The following DNAH11 variants were observed in gnomAD, a reference collection of about 807,000 sequenced individuals.
The protein encoded by DNAH11 is dynein axonemal heavy chain 11, also known as axonemal beta dynein heavy chain 11.
A neutral mutation model predicts 526.0 loss-of-function variants in DNAH11; 442 were observed. The observed-to-expected ratio is 0.84, with a 90% CI of 0.78 to 0.91. The LOEUF (loss-of-function observed/expected upper bound fraction) is 0.91, where lower values mean the gene tolerates loss of function less well. Ranked by LOEUF, DNAH11 falls within the 40% of genes least tolerant of loss-of-function variation. The probability of loss-of-function intolerance (pLI) is 0.00; values close to 1 mark genes in which losing one functional copy is unlikely to be tolerated. For synonymous variants in DNAH11, 2,461 were observed against 1,935.9 expected, an observed-to-expected ratio of 1.27 and a Z score of -7.12; for missense variants, 6,989 against 5,448.7, an observed-to-expected ratio of 1.28 and a Z score of -8.90.
intron 44 of DNAH11, among the ~76,000 whole-genome samples, chr7:21,721,265 C>T (rs576207701): frequency 6.6e-6 from 1 of 152,300 alleles, no homozygotes; most frequent in African/African-American, 2.4e-5. Flanking sequence ...CAGTTAAAAA[C>T]GTGGAAGACA....
chr7:21,628,560 C>T (rs1178688873), intron 25 of DNAH11, among the ~76,000 whole-genome samples: 2 of 151,890 alleles, frequency 1.3e-5, no homozygotes, highest in African/African-American at 4.8e-5. Context: ...TATGGTTTTT[C>T]TTCTTGGTTC....
At chr7:21,843,398 T>C (rs1782290196) in intron 66 of DNAH11, among the ~76,000 whole-genome samples, 1 of 150,876 alleles carries the variant, frequency 6.6e-6, no homozygotes, top group Non-Finnish European at 1.5e-5. Flanking sequence ...GAATAAAAGA[T>C]AAAAGGCAAG....
chr7:21,625,809 A>G (rs981381244), intron 25 of DNAH11, among the ~76,000 whole-genome samples: 8 of 152,060 alleles, frequency 5.3e-5, no homozygotes, highest in Non-Finnish European at 8.8e-5. Flanking sequence ...GAGTTTCCAA[A>G]ATTCCTCCTG....
intron 64 of DNAH11, 82 bp downstream of exon 64, chr7:21,816,784 A>G (rs1358805244): frequency 7.3e-6 from 8 of 1,090,694 alleles, no homozygotes; most frequent in African/African-American, 1.6e-5. Flanking sequence ...GATGTTTCTT[A>G]GACCTCTCCA....
At chr7:21,587,522 C>G (rs1023348364) in intron 9 of DNAH11, among the ~76,000 whole-genome samples, 5 of 152,136 alleles carry the variant, frequency 3.3e-5, no homozygotes, top group Admixed American at 2.0e-4. Context: ...GAGTGGTTGT[C>G]CTTGTAACAG....
At chr7:21,561,460 T>A (rs1004009273) in intron 5 of DNAH11, 27 of 244,752 alleles carry the variant, frequency 1.1e-4, no homozygotes, top group African/African-American at 3.7e-4. Flanking sequence ...AAAAAAAAAA[T>A]AAGTCTGGAT....
chr7:21,575,888 A>G (rs1485398345), intron 8 of DNAH11, among the ~76,000 whole-genome samples: 1 of 152,242 alleles, frequency 6.6e-6, no homozygotes, highest in Non-Finnish European at 1.5e-5. Context: ...TGCTCATCTT[A>G]AAACAACTGC....
Position 21,681,639 on chromosome 7 carries a change from C to T in DNAH11, c.5422C>T (p.His1808Tyr), listed in dbSNP as rs774387811. Reference sequence around the variant, plus strand: ...CATGACAATTTGTACCATAGATGTCCATGCCAGAGACGTGGTGGCAAAACT... The same window carrying T: ...CATGACAATTTGTACCATAGATGTCTATGCCAGAGACGTGGTGGCAAAACT... The part of the protein sequence containing the change: ...KIMTICTIDV[H>Y]ARDVVAKLIS... The change falls in exon 31 of 82, where the codon CAT becomes TAT. Residue 1808 changes from histidine to tyrosine, a missense_variant. Physicochemically the swap from His to Tyr is moderately conservative, Grantham distance 83. Transcript: ENST00000409508. The T allele has an allele frequency of 6.8e-6, 11 of 1,613,848 alleles. No homozygotes were observed. In the South Asian group the frequency reaches 7.7e-5, roughly 11 times the overall value.
intron 45 of DNAH11, among the ~76,000 whole-genome samples, chr7:21,733,412 G>A (rs997587017): frequency 6.6e-6 from 1 of 152,096 alleles, no homozygotes; most frequent in Admixed American, 6.6e-5. Context: ...CAGGGAAATG[G>A]GGGTCCCAAG....
chr7:21,728,274 T>C (rs1583634455), intron 45 of DNAH11, among the ~76,000 whole-genome samples: 1 of 67,586 alleles, frequency 1.5e-5, no homozygotes, highest in African/African-American at 5.7e-5. Flanking sequence ...TTTTTTTTTT[T>C]TGAGACAGAG....
Position 21,639,001 on chromosome 7 carries a change from G to T in DNAH11, c.4880G>T (p.Arg1627Leu), listed in dbSNP as rs943023493. Reference sequence around the variant, plus strand: ...GAAACCAAGCGCATAGCCTTTCCTCGCTTCTATTTCGTCTCTTCTGCTGAT... The same window carrying T: ...GAAACCAAGCGCATAGCCTTTCCTCTCTTCTATTTCGTCTCTTCTGCTGAT... The part of the protein sequence containing the change: ...YLETKRIAFP[R>L]FYFVSSADLL... The change falls in exon 28 of 82, where the codon CGC (arginine) becomes CTC (leucine). Residue 1627 changes from arginine (R) to leucine (L), a missense_variant. By Grantham distance (102) the Arg-to-Leu change is moderately radical. Transcript: ENST00000409508. 1 of 1,613,564 alleles carries T rather than the reference G, an allele frequency of 6.2e-7. No individual in the cohort carries two copies. Among genetic ancestry groups the T allele is most frequent in the Non-Finnish European group, 8.5e-7 (1 of 1,179,668 alleles).
Position 21,873,492 on chromosome 7 carries a change from C to T in DNAH11, c.12186C>T (p.Asn4062=), listed in dbSNP as rs1321651926. 3 of 1,613,798 alleles carry T rather than the reference C, an allele frequency of 1.9e-6. No individual in the cohort carries two copies. The highest frequency in any genetic ancestry group is 2.5e-6 in the Non-Finnish European group (3 of 1,179,850). The change falls in exon 74 of 82, where the codon AAC becomes AAT. Residue 4062 remains asparagine, a synonymous_variant. Transcript: ENST00000409508. ...CCAATTTGCATGCCGCCCTGTACAA[C>T]TTTGATCAGGTAAGAAAGCGAAGCA... ...MLANLHAALY[N]FDQDTLEICS...
chr7:21,829,609 G>C (rs544094781), intron 65 of DNAH11, among the ~76,000 whole-genome samples: 4 of 152,260 alleles, frequency 2.6e-5, no homozygotes, highest in Admixed American at 2.0e-4. Flanking sequence ...TGTTTGTTCA[G>C]GTACTCAGAG....
At chr7:21,552,401 A>T (rs745866739) in intron 2 of DNAH11, among the ~76,000 whole-genome samples, 75 of 152,212 alleles carry the variant, frequency 4.9e-4, no homozygotes, top group Non-Finnish European at 8.8e-4. Flanking sequence ...AGGCAGACCC[A>T]CTATTCCCAA....
In DNAH11 at chr7:21,711,737, G is replaced by T. The variant is rs781049702; in HGVS notation, c.6860G>T (p.Arg2287Leu). The T allele has an allele frequency of 9.9e-6, 16 of 1,613,614 alleles. No individual in the cohort carries two copies. The highest frequency in any genetic ancestry group is 1.7e-5 in the Admixed American group (1 of 59,972). ...GTGCTGACCCTCGCCAGCAATGAGC[G>T]CATTGCACTCACTCCCTTCATGAGG... ...NKVLTLASNE[R>L]IALTPFMRLL... Residue 2287 changes from arginine (R) to leucine (L), a missense_variant, in exon 42 of 82, where the codon CGC (arginine) becomes CTC (leucine). By Grantham distance (102) the Arg-to-Leu change is moderately radical. Coordinates refer to ENST00000409508, the MANE Select transcript of DNAH11 (RefSeq NM_001277115.2).
chr7:21,777,389 C>A (rs1312286372), intron 56 of DNAH11, among the ~76,000 whole-genome samples: 1 of 151,422 alleles, frequency 6.6e-6, no homozygotes, highest in East Asian at 1.9e-4. Context: ...TATGAATACC[C>A]GTGTACAGGT....
At chr7:21,564,954 G>A (rs531268101) in intron 6 of DNAH11, among the ~76,000 whole-genome samples, 6 of 152,102 alleles carry the variant, frequency 3.9e-5, no homozygotes, top group East Asian at 3.9e-4. Context: ...CATCCTGTCT[G>A]TGTGAATGTG....
At chr7:21,782,713 A>ACC (rs1788001951) in intron 57 of DNAH11, among the ~76,000 whole-genome samples, 2 of 152,152 alleles carry the variant, frequency 1.3e-5, no homozygotes, top group Non-Finnish European at 2.9e-5. Flanking sequence ...GCAGTTCAAG[A>ACC]CCAGCCTGGC....
At chr7:21,736,101 G>A (rs545077369) in intron 46 of DNAH11, among the ~76,000 whole-genome samples, 4 of 152,182 alleles carry the variant, frequency 2.6e-5, no homozygotes, top group African/African-American at 9.6e-5. Flanking sequence ...TAGTGTTAAT[G>A]TGTTACCTCG....
Sources: allele counts gnomAD v4.1 joint callset (sites outside exome capture counted in the v4.1 genomes callset), GRCh38; gene constraint gnomAD v4.1.1; transcripts MANE v1.5; gene names NCBI Gene and HGNC (gene_info 2026-07-23, HGNC 2026-07-21).